TENM3: variants seen among roughly 807,000 people sequenced by gnomAD.
TENM3 encodes the protein teneurin transmembrane protein 3, also known as teneurin-3.
TENM3 carries 63 observed loss-of-function variants against 255.1 expected under a neutral mutation model. The ratio of observed to expected loss-of-function variants is 0.25; its 90% CI spans 0.20 to 0.30. The LOEUF (loss-of-function observed/expected upper bound fraction) is 0.30. Among genes scored for constraint, TENM3 ranks in the 10% least tolerant of loss-of-function variants. TENM3 has a pLI of 1.00. For synonymous variants in TENM3, 1,306 were observed against 1,322.3 expected (o/e 0.99, Z 0.27); for missense variants, 2,929 against 3,461.1 (o/e 0.85, Z 3.86).
At chr4:181,574,656 A>G in the TENM3 span, among the ~76,000 whole-genome samples, 533 of 152,358 alleles carry the variant, frequency 3.5e-3, 3 homozygotes, top group Non-Finnish European at 5.6e-3. Context: ...AGAACAAGTT[A>G]TTAGACCACC....
chr4:182,462,199 G>GC (rs1273337992), intron 3 of TENM3, among the ~76,000 whole-genome samples: 1 of 151,546 alleles, frequency 6.6e-6, no homozygotes, highest in Non-Finnish European at 1.5e-5. Flanking sequence ...CTCCAGTCTG[G>GC]CCCACACATT....
chr4:181,691,236 TG>T, the TENM3 span, among the ~76,000 whole-genome samples: 15 of 37,456 alleles, frequency 4.0e-4, no homozygotes, highest in African/African-American at 7.6e-4. Flanking sequence ...AATATGATCT[TG>T]TGTGTGTGTG....
At chr4:182,738,169 G>GA (rs949327886) in intron 17 of TENM3, among the ~76,000 whole-genome samples, 4 of 151,700 alleles carry the variant, frequency 2.6e-5, no homozygotes, top group Admixed American at 6.6e-5. Flanking sequence ...GTGGTATGGG[G>GA]AAAAAAACAC....
the TENM3 span, among the ~76,000 whole-genome samples, chr4:181,488,624 C>T: frequency 1.3e-5 from 2 of 152,004 alleles, no homozygotes; most frequent in Admixed American, 6.6e-5. Context: ...AAAAAAACTG[C>T]ATATTTTGAC....
chr4:182,022,804 T>G, the TENM3 span, among the ~76,000 whole-genome samples: 4 of 152,310 alleles, frequency 2.6e-5, no homozygotes, highest in East Asian at 1.9e-4. Flanking sequence ...TGTCAGATTT[T>G]GGGCTGAAAT....
chr4:182,354,699 A>T (rs1765408099), intron 3 of TENM3, among the ~76,000 whole-genome samples: 1 of 152,226 alleles, frequency 6.6e-6, no homozygotes, highest in South Asian at 2.1e-4. Context: ...TCAGTTGACG[A>T]GATCGTTTTC....
intron 3 of TENM3, among the ~76,000 whole-genome samples, chr4:182,356,324 G>A (rs1018000531): frequency 1.3e-5 from 2 of 152,140 alleles, no homozygotes; most frequent in Non-Finnish European, 2.9e-5. Flanking sequence ...GAAACATAGT[G>A]AGACCCCATC....
chr4:181,988,911 T>C, the TENM3 span, among the ~76,000 whole-genome samples: 1 of 152,020 alleles, frequency 6.6e-6, no homozygotes, highest in African/African-American at 2.4e-5. Context: ...CAATGCACAT[T>C]AAGAGTCTTC....
At chr4:181,945,351 A>G in the TENM3 span, among the ~76,000 whole-genome samples, 6 of 152,182 alleles carry the variant, frequency 3.9e-5, no homozygotes, top group Non-Finnish European at 8.8e-5. Flanking sequence ...AACAGCACAT[A>G]AGCAGGAGCG....
At chr4:182,436,900 C>T (rs763291449) in intron 3 of TENM3, among the ~76,000 whole-genome samples, 13 of 152,042 alleles carry the variant, frequency 8.6e-5, no homozygotes, top group Non-Finnish European at 1.8e-4. Flanking sequence ...CACCTGTTAT[C>T]CCAGCTACTA....
At chr4:181,757,617 G>A in the TENM3 span, among the ~76,000 whole-genome samples, 128 of 152,238 alleles carry the variant, frequency 8.4e-4, no homozygotes, top group African/African-American at 2.2e-3. Context: ...GCTGGTGTAC[G>A]CGACACAGTA....
intron 3 of TENM3, among the ~76,000 whole-genome samples, chr4:182,459,502 T>C (rs975844572): frequency 2.0e-5 from 3 of 152,214 alleles, no homozygotes; most frequent in Admixed American, 2.0e-4. Flanking sequence ...TAATGTGCAA[T>C]TGTTTGTTTT....
At chr4:181,890,561 T>G in the TENM3 span, among the ~76,000 whole-genome samples, 2 of 152,162 alleles carry the variant, frequency 1.3e-5, no homozygotes, top group Non-Finnish European at 2.9e-5. Flanking sequence ...CATTGTGGGC[T>G]TTTAAAAAAA....
intron 7 of TENM3, among the ~76,000 whole-genome samples, chr4:182,673,858 A>T (rs1418357937): frequency 6.6e-6 from 1 of 152,234 alleles, no homozygotes; most frequent in Non-Finnish European, 1.5e-5. Flanking sequence ...CTTGCATAAA[A>T]ATCCCCTCAC....
chr4:182,189,887 G>GT (rs1753403394), intron 1 of TENM3, among the ~76,000 whole-genome samples: 2 of 152,292 alleles, frequency 1.3e-5, no homozygotes, highest in African/African-American at 4.8e-5. Context: ...AAATTTATGC[G>GT]TAAGGCAGAC....
rs147651329 is a variant in TENM3 at position 182,762,301 on chromosome 4, T to C, written c.4892+7042T>C. ...ATGCAGCTTCCACAAGTGTCCAGTTTCCTCTTTAAACTCGTTCTGCAACTG... is the reference window on the plus strand; with the variant it reads ...ATGCAGCTTCCACAAGTGTCCAGTTCCCTCTTTAAACTCGTTCTGCAACTG... On this transcript the variant is annotated intron_variant, in intron 22 of 27. Transcript: ENST00000511685. 4.0e-4 allele frequency among the ~76,000 whole-genome samples: 61 copies of C among 152,338 alleles called. 1 individual carries two copies. In the East Asian group the frequency reaches 9.5e-3, roughly 24 times the overall value.
chr4:182,244,282 C>CTTT, intron 1 of TENM3, among the ~76,000 whole-genome samples: 1 of 152,096 alleles, frequency 6.6e-6, no homozygotes, highest in Non-Finnish European at 1.5e-5. Flanking sequence ...AAACATATAA[C>CTTT]CCAGGGTATT....
the TENM3 span, among the ~76,000 whole-genome samples, chr4:181,656,540 G>T: frequency 6.6e-6 from 1 of 152,142 alleles, no homozygotes; most frequent in Non-Finnish European, 1.5e-5. Flanking sequence ...GGATGCAGAT[G>T]GGCCCAGGAG....
At chr4:182,654,020 C>A (rs1202599298) in intron 6 of TENM3, 127 bp downstream of exon 6, 2 of 863,948 alleles carry the variant, frequency 2.3e-6, no homozygotes, top group Non-Finnish European at 3.2e-6. Context: ...CAGATATCAT[C>A]TTTTTATAAG....
Sources: gnomAD v4.1 joint callset for allele counts (sites outside exome capture counted in the v4.1 genomes callset) on GRCh38, gnomAD v4.1.1 for gene constraint, MANE v1.5 for transcripts, NCBI Gene and HGNC (gene_info 2026-07-23, HGNC 2026-07-21) for gene names.